The following ZNF564 variants were observed in gnomAD, a reference collection of about 807,000 sequenced individuals.
ZNF564 encodes the protein zinc finger protein 564.
In ZNF564, 5 loss-of-function variants were observed where a neutral mutation model predicts 10.5. The ratio of observed to expected loss-of-function variants is 0.48; its 90% CI spans 0.25 to 1.00. The LOEUF (loss-of-function observed/expected upper bound fraction) is 1.00. Ranked by LOEUF, ZNF564 falls within the 50% of genes least tolerant of loss-of-function variation. The pLI is 0.16. For missense variants in ZNF564, 603 were observed against 669.7 expected (o/e 0.90, Z 1.10); for synonymous variants, 242 against 218.1 (o/e 1.11, Z -0.97).
intron 1 of ZNF564, among the ~76,000 whole-genome samples, chr19:12,531,572 A>T (rs987500568): frequency 8.2e-5 from 12 of 146,932 alleles, no homozygotes; most frequent in East Asian, 7.9e-4. Context: ...CAAAAAAAAT[A>T]AAAAAAAAAA....
chr19:12,532,401 A>G (rs986465570), intron 1 of ZNF564, among the ~76,000 whole-genome samples: 5 of 150,560 alleles, frequency 3.3e-5, no homozygotes, highest in Non-Finnish European at 5.9e-5. Flanking sequence ...CGGGCGTGGT[A>G]GCAGGCGCCT....
At chr19:12,549,082 A>G (rs893507927) in intron 1 of ZNF564, among the ~76,000 whole-genome samples, 11 of 152,196 alleles carry the variant, frequency 7.2e-5, no homozygotes, top group African/African-American at 2.7e-4. Context: ...GCGGAGAGGA[A>G]ACTACACAAA....
intron 1 of ZNF564, chr19:12,548,672 A>T: frequency 1.6e-6 from 1 of 624,060 alleles, no homozygotes; most frequent in Admixed American, 2.6e-5. Flanking sequence ...AAACATGAAA[A>T]GCACATTTAT....
At chr19:12,538,898 ATAAC>A (rs2021975108) in intron 1 of ZNF564, among the ~76,000 whole-genome samples, 1 of 152,112 alleles carries the variant, frequency 6.6e-6, no homozygotes, top group Non-Finnish European at 1.5e-5. Flanking sequence ...GTTTATAATC[ATAAC>A]TAATACACTA....
chr19:12,533,838 T>C (rs748048738), intron 1 of ZNF564, among the ~76,000 whole-genome samples: 1 of 132,236 alleles, frequency 7.6e-6, no homozygotes, highest in African/African-American at 2.9e-5. Flanking sequence ...GACAGAATAA[T>C]TGGAGAAGTC....
At position 12,528,340 on chromosome 19, in the gene ZNF564, A is replaced by C. The variant is rs1266228536; in HGVS notation, c.155T>G (p.Ile52Ser). The change falls in exon 3 of 4, where the codon ATT becomes AGT. Residue 52 changes from isoleucine (I) to serine (S), a missense_variant. Coordinates refer to ENST00000339282, the MANE Select transcript of ZNF564 (RefSeq NM_144976.4). ...CVGKKWEDQS[I>S]EDWYKNQGRI... ...CCCCTGATTTTTGTACCAATCTTCA[A>C]TGCTCTGGTCTTCCCATTTTTTTCC... 6.2e-7 allele frequency: 1 copy of C among 1,610,670 alleles called. No individual in the cohort carries two copies. Among genetic ancestry groups the C allele is most frequent in the Non-Finnish European group, 8.5e-7 (1 of 1,179,284 alleles).
intron 1 of ZNF564, among the ~76,000 whole-genome samples, chr19:12,536,294 A>G (rs187645622): frequency 8.2e-4 from 125 of 152,212 alleles, no homozygotes; most frequent in Non-Finnish European, 1.4e-3. Context: ...CTTCCACCTC[A>G]GCCTCCCAAG....
chr19:12,527,741 T>C lies in ZNF564; in HGVS notation c.367A>G (p.Arg123Gly). 6.2e-7 allele frequency: 1 copy of C among 1,614,130 alleles called. No individual in the cohort carries two copies. The highest frequency in any genetic ancestry group is 1.1e-5 in the South Asian group (1 of 91,086). The change falls in exon 4 of 4, where the codon AGA becomes GGA. Residue 123 changes from arginine (R) to glycine (G), a missense_variant. Transcript: ENST00000339282. Reference sequence around the variant, plus strand: ...TATGGTTTGTGTCCAAGGTGAGATCTGATGTGCCTACTAAGGGATGAATGA... The same window carrying C: ...TATGGTTTGTGTCCAAGGTGAGATCCGATGTGCCTACTAAGGGATGAATGA... ...MHHSSLSRHI[R>G]SHLGHKPYDY...
intron 1 of ZNF564, among the ~76,000 whole-genome samples, chr19:12,533,182 T>C (rs2021841237): frequency 6.6e-6 from 1 of 152,164 alleles, no homozygotes; most frequent in South Asian, 2.1e-4. Context: ...CCACAAGTCA[T>C]TCATCTAGAA....
chr19:12,526,302 G>T lies in ZNF564; in HGVS notation c.*144C>A. 1.2e-6 allele frequency: 1 copy of T among 851,746 alleles called. No homozygotes were observed. The highest frequency in any genetic ancestry group is 1.7e-6 in the Non-Finnish European group (1 of 573,960). 52.8% of individuals were successfully genotyped at this position (851,746 alleles called of 1,614,324 possible). A position where few individuals can be genotyped will look rare whatever the true frequency, so the allele number is the denominator to read the frequency against. ...CTAGTCATGTATTTCCAAAATATGA[G>T]ACAGGCACAGGATAGAGATTCCTAT... is the stretch of plus-strand genomic sequence containing the variant. On this transcript the variant is annotated 3_prime_UTR_variant, in exon 4 of 4. Coordinates refer to ENST00000339282, the MANE Select transcript of ZNF564 (RefSeq NM_144976.4).
intron 1 of ZNF564, among the ~76,000 whole-genome samples, chr19:12,543,303 GAAAA>G (rs562777488): frequency 2.5e-5 from 1 of 39,760 alleles, no homozygotes; most frequent in Non-Finnish European, 4.6e-5. Context: ...CTTCGTCTCA[GAAAA>G]AAAAAAAAAA....
chr19:12,528,269 A>C (rs372693547), intron 3 of ZNF564, 35 bp downstream of exon 3: 17 of 1,568,882 alleles, frequency 1.1e-5, no homozygotes, highest in Non-Finnish European at 1.5e-5. Flanking sequence ...CATACTAAGA[A>C]GGAGACATTG....
chr19:12,531,512 A>G (rs1339178095), intron 1 of ZNF564, among the ~76,000 whole-genome samples: 1 of 152,028 alleles, frequency 6.6e-6, no homozygotes, highest in Non-Finnish European at 1.5e-5. Context: ...AAGTGCAGTG[A>G]GCCGAGATTG....
intron 1 of ZNF564, among the ~76,000 whole-genome samples, chr19:12,539,673 GAC>G (rs1278674594): frequency 8.9e-6 from 1 of 112,432 alleles, no homozygotes; most frequent in East Asian, 2.9e-4. Flanking sequence ...CTCTCAAAAA[GAC>G]AAAAAAGAAA....
chr19:12,526,490 G>T lies in ZNF564; in HGVS notation c.1618C>A (p.Leu540Ile), dbSNP rs764427313. The change falls in exon 4 of 4, where the codon CTT becomes ATT. Residue 540 changes from leucine to isoleucine, a missense_variant. Leu to Ile is a conservative substitution (Grantham distance 5). Coordinates refer to ENST00000339282, the MANE Select transcript of ZNF564 (RefSeq NM_144976.4). ...DKPYVKNVGK[L>I]SFITQPSNTC... ...TTCGAAGGTTGTGTGATAAATGAAA[G>T]CTTTCCCACATTCTTTACGTAAGGT... 2 of 1,607,638 alleles carry T rather than the reference G, an allele frequency of 1.2e-6. No individual in the cohort carries two copies. The highest frequency in any genetic ancestry group is 1.7e-6 in the Non-Finnish European group (2 of 1,177,740).
rs1256815483 is a variant in ZNF564, at chr19:12,525,861, G to A, written c.*585C>T. On this transcript the variant is annotated 3_prime_UTR_variant, in exon 4 of 4. Transcript: ENST00000339282. ...TCTTCTCACTGCACCCTCTCATGGTGAAGGGCAAAGCTAGCTCTCTAGGGA... is the reference window on the plus strand; with the variant it reads ...TCTTCTCACTGCACCCTCTCATGGTAAAGGGCAAAGCTAGCTCTCTAGGGA... 6.6e-6 allele frequency: 1 copy of A among 152,614 alleles called. No individual in the cohort carries two copies. 9.5% of individuals were successfully genotyped at this position (152,614 alleles called of 1,614,324 possible).
intron 1 of ZNF564, among the ~76,000 whole-genome samples, chr19:12,539,341 C>A (rs567743948): frequency 6.6e-5 from 10 of 151,360 alleles, no homozygotes; most frequent in Non-Finnish European, 1.2e-4. Context: ...AATAAACTAA[C>A]CTTTCATGGA....
At chr19:12,541,066 C>CAAAAAA (rs35848835) in intron 1 of ZNF564, among the ~76,000 whole-genome samples, 4 of 59,682 alleles carry the variant, frequency 6.7e-5, no homozygotes, top group Non-Finnish European at 8.5e-5. Context: ...CCTGTCTCTA[C>CAAAAAA]AAAAAAAAAA....
chr19:12,542,713 A>G (rs2022081047), intron 1 of ZNF564, among the ~76,000 whole-genome samples: 1 of 151,856 alleles, frequency 6.6e-6, no homozygotes, highest in Non-Finnish European at 1.5e-5. Flanking sequence ...AGGAAGGAAA[A>G]GAAAAAAGGG....
Sources: allele counts gnomAD v4.1 joint callset (sites outside exome capture counted in the v4.1 genomes callset), GRCh38; gene constraint gnomAD v4.1.1; transcripts MANE v1.5; gene names NCBI Gene and HGNC (gene_info 2026-07-23, HGNC 2026-07-21).